Variants in TSNAXIP1 observed in about 807,000 individuals in gnomAD.
TSNAXIP1 encodes the protein translin associated factor X interacting protein 1.
In TSNAXIP1, 89 loss-of-function variants were observed where a neutral mutation model predicts 84.8. The observed-to-expected ratio is 1.05, with a 90% confidence interval of 0.88 to 1.25. The LOEUF (loss-of-function observed/expected upper bound fraction) is 1.25, where lower values mean the gene tolerates loss of function less well. Ranked by LOEUF, TSNAXIP1 falls within the 50% of genes most tolerant of loss-of-function variation. The pLI is 0.00. For synonymous variants in TSNAXIP1, 347 were observed against 335.2 expected (o/e 1.04, Z -0.39); for missense variants, 874 against 887.6 (o/e 0.98, Z 0.20).
intron 1 of TSNAXIP1, among the ~76,000 whole-genome samples, chr16:67,811,134 C>T (rs1429540193): frequency 6.6e-6 from 1 of 152,130 alleles, no homozygotes; most frequent in African/African-American, 2.4e-5. Context: ...GATCTCCTGA[C>T]CTCATGATCT....
intron 2 of TSNAXIP1, among the ~76,000 whole-genome samples, chr16:67,818,827 C>T (rs1476653990): frequency 1.3e-5 from 2 of 151,834 alleles, no homozygotes; most frequent in Admixed American, 6.6e-5. Flanking sequence ...CCTCGGCCTC[C>T]GAAATAGCTG....
At position 67,825,846 on chromosome 16, in the gene TSNAXIP1, G is replaced by C. The variant is rs748295592; in HGVS notation, c.984+10G>C. The C allele has an allele frequency of 1.9e-6, 3 of 1,614,184 alleles. No homozygotes were observed. Among genetic ancestry groups the C allele is most frequent in the Middle Eastern group, 1.6e-4 (1 of 6,062 alleles). On this transcript the variant is annotated intron_variant, in intron 8 of 15. Transcript: ENST00000561639. ...GGATCTTCAGGAGCAGGTGCTGGCA[G>C]GCAGGCAGGGCCAGGAGGGTAGGAC... is the stretch of plus-strand genomic sequence containing the variant.
intron 4 of TSNAXIP1, among the ~76,000 whole-genome samples, chr16:67,823,248 TA>T (rs2151251069): frequency 6.6e-6 from 1 of 151,926 alleles, no homozygotes; most frequent in South Asian, 2.1e-4. Context: ...CTAAGCCCAG[TA>T]AAGAAAAAAA....
At chr16:67,825,048 C>CCCCCAGAA in intron 6 of TSNAXIP1, 89 bp from the exon 7 acceptor site, 9 of 1,528,210 alleles carry the variant, frequency 5.9e-6, no homozygotes, top group Non-Finnish European at 7.0e-6. Context: ...CTGATGGGGC[C>CCCCCAGAA]CCCCAGAACC....
At chr16:67,826,884 G>C in intron 12 of TSNAXIP1, 40 bp downstream of exon 12, 1 of 1,611,938 alleles carries the variant, frequency 6.2e-7, no homozygotes, top group East Asian at 2.2e-5. Flanking sequence ...ACTGAGAGGG[G>C]TCTTTGTCCC....
At position 67,827,377 on chromosome 16, in the gene TSNAXIP1, T is replaced by G. The variant is rs779539502; in HGVS notation, c.1791+2T>G. On this transcript the variant is annotated splice_donor_variant, in intron 14 of 15. Coordinates refer to ENST00000561639, the MANE Select transcript of TSNAXIP1 (RefSeq NM_001288990.3). LOFTEE classifies it high-confidence loss of function. ...AACTACCGCTCACTGTTTATGGAGG[T>G]GGGTGTGTGGGGTCCGGGGACTGGC... 6.2e-7 allele frequency: 1 copy of G among 1,614,000 alleles called. No individual in the cohort carries two copies. Among genetic ancestry groups the G allele is most frequent in the East Asian group, 2.2e-5 (1 of 44,868 alleles).
chr16:67,826,859 A>T lies in TSNAXIP1; in HGVS notation c.1554+15A>T. On this transcript the variant is annotated intron_variant, in intron 12 of 15. Coordinates refer to ENST00000561639, the MANE Select transcript of TSNAXIP1 (RefSeq NM_001288990.3). Reference sequence around the variant, plus strand: ...TGATGGGAAAGGTGAGCTGGGGCCTATTCCCCTTGGGGAGACTGAGAGGGG... The same window carrying T: ...TGATGGGAAAGGTGAGCTGGGGCCTTTTCCCCTTGGGGAGACTGAGAGGGG... The T allele has an allele frequency of 6.2e-7, 1 of 1,612,868 alleles. No individual in the cohort carries two copies. The highest frequency in any genetic ancestry group is 8.5e-7 in the Non-Finnish European group (1 of 1,179,722).
rs371204795 is a variant in TSNAXIP1, at chr16:67,825,673, G to T, written c.821G>T (p.Trp274Leu). Reference sequence around the variant, plus strand: ...GGGCCCCTTCCCCTGGCAGGCATCTGGGGGGAGGACCCTGTGAAGTTAACC... The same window carrying T: ...GGGCCCCTTCCCCTGGCAGGCATCTTGGGGGAGGACCCTGTGAAGTTAACC... ...DMSLAQSPGI[W>L]GEDPVKLTLA... Residue 274 changes from tryptophan to leucine, a missense_variant, in exon 8 of 16, where the codon TGG (tryptophan) becomes TTG (leucine). Physicochemically the swap from Trp to Leu is moderately conservative, Grantham distance 61. Transcript: ENST00000561639. 18 of 1,604,300 alleles carry T rather than the reference G, an allele frequency of 1.1e-5. No homozygotes were observed. The highest frequency in any genetic ancestry group is 5.3e-5 in the African/African-American group (4 of 74,768).
At chr16:67,816,978 A>AT (rs1281985242) in intron 2 of TSNAXIP1, among the ~76,000 whole-genome samples, 1 of 140,382 alleles carries the variant, frequency 7.1e-6, no homozygotes, top group Non-Finnish European at 1.6e-5. Flanking sequence ...TAATTAATTT[A>AT]TTTTTTGAGA....
chr16:67,825,081 A>G lies in TSNAXIP1; in HGVS notation c.679-56A>G, dbSNP rs1170319350. ...ACCCAGCCCACTCCCTGGGGTGACCAGCTGCATACAGGGGTCCAGGGGCAG... is the reference window on the plus strand; with the variant it reads ...ACCCAGCCCACTCCCTGGGGTGACCGGCTGCATACAGGGGTCCAGGGGCAG... On this transcript the variant is annotated intron_variant, in intron 6 of 15. Coordinates refer to ENST00000561639, the MANE Select transcript of TSNAXIP1 (RefSeq NM_001288990.3). 1.0e-5 allele frequency: 16 copies of G among 1,592,456 alleles called. No individual in the cohort carries two copies. In the Admixed American group the frequency reaches 1.0e-4, roughly 10 times the overall value.
At chr16:67,809,620 C>G (rs955501026) in intron 1 of TSNAXIP1, among the ~76,000 whole-genome samples, 1 of 150,002 alleles carries the variant, frequency 6.7e-6, no homozygotes, top group African/African-American at 2.5e-5. Context: ...AGCAAGACTC[C>G]GTCTCAAAAA....
Position 67,820,898 on chromosome 16 carries a change from G to A in TSNAXIP1, c.207G>A (p.Gln69=). ...CATGGCCCACATACACCAGTGGCCA[G>A]ACCATTTTGCAAAATCGAAAACCCT... ...LSPWPTYTSG[Q]TILQNRKPCS... Residue 69 remains glutamine (Q), a synonymous_variant, in exon 3 of 16, where the codon CAG becomes CAA. Coordinates refer to ENST00000561639, the MANE Select transcript of TSNAXIP1 (RefSeq NM_001288990.3). 4 of 1,604,390 alleles carry A rather than the reference G, an allele frequency of 2.5e-6. No homozygotes were observed. The highest frequency in any genetic ancestry group is 3.4e-6 in the Non-Finnish European group (4 of 1,175,306).
intron 7 of TSNAXIP1, 135 bp from the exon 8 acceptor site, chr16:67,825,532 A>C: frequency 7.6e-7 from 1 of 1,316,562 alleles, no homozygotes; most frequent in Non-Finnish European, 1.0e-6. Context: ...GGGCTTCTAG[A>C]CTTTAGCCTG....
intron 1 of TSNAXIP1, among the ~76,000 whole-genome samples, chr16:67,808,759 GA>G (rs1188422494): frequency 1.3e-5 from 2 of 150,218 alleles, no homozygotes; most frequent in Non-Finnish European, 3.0e-5. Flanking sequence ...AAAGAAAAAA[GA>G]AAAAAAAGGA....
chr16:67,824,983 G>A (rs1045240368), intron 6 of TSNAXIP1, among the ~76,000 whole-genome samples, 154 bp from the exon 7 acceptor site: 38 of 152,220 alleles, frequency 2.5e-4, no homozygotes, highest in African/African-American at 8.4e-4. Context: ...GCACCTTGCC[G>A]AATTCTCAGA....
Position 67,827,439 on chromosome 16 carries a change from A to G in TSNAXIP1, c.1792-34A>G, listed in dbSNP as rs371528464. 45 of 1,613,942 alleles carry G rather than the reference A, an allele frequency of 2.8e-5. No homozygotes were observed. The South Asian group carries it at 3.3e-4, about 12-fold the overall frequency. On this transcript the variant is annotated intron_variant, in intron 14 of 15. Transcript: ENST00000561639. ...CCTAGCCTTGGCTGGACCCTACCCAATGTGCCCTCCCCCTGACTTGTGGCC... is the reference window on the plus strand; with the variant it reads ...CCTAGCCTTGGCTGGACCCTACCCAGTGTGCCCTCCCCCTGACTTGTGGCC...
chr16:67,820,989 T>C, intron 3 of TSNAXIP1, 38 bp downstream of exon 3: 4 of 1,587,114 alleles, frequency 2.5e-6, no homozygotes, highest in African/African-American at 1.3e-5. Flanking sequence ...TGAGCTGGCA[T>C]GGGCCAGGCT....
chr16:67,808,877 C>G (rs2055750641), intron 1 of TSNAXIP1, among the ~76,000 whole-genome samples: 1 of 151,968 alleles, frequency 6.6e-6, no homozygotes. Flanking sequence ...GAAAGAGAAT[C>G]CCCATTCATT....
chr16:67,812,668 GA>G (rs542677734), intron 1 of TSNAXIP1, among the ~76,000 whole-genome samples: 1,547 of 131,358 alleles, frequency 0.012, 10 homozygotes, highest in South Asian at 0.022. Context: ...TCTGTCTCAA[GA>G]AAAAAAAAAA....
Sources: gnomAD v4.1 joint callset for allele counts (sites outside exome capture counted in the v4.1 genomes callset) on GRCh38, gnomAD v4.1.1 for gene constraint, MANE v1.5 for transcripts, NCBI Gene and HGNC (gene_info 2026-07-23, HGNC 2026-07-21) for gene names.